The following VEZT variants were observed in gnomAD, a reference collection of about 807,000 sequenced individuals.
VEZT encodes the protein vezatin, adherens junctions transmembrane protein, also known as vezatin.
VEZT carries 39 observed loss-of-function variants against 79.9 expected under a neutral mutation model. The ratio of observed to expected loss-of-function variants is 0.49; its 90% CI spans 0.38 to 0.64. The LOEUF is 0.64. VEZT is among the 30% of genes least tolerant of loss of function. The pLI is 0.00. For synonymous variants in VEZT, 325 were observed against 327.6 expected (o/e 0.99, Z 0.09); for missense variants, 837 against 893.1 (o/e 0.94, Z 0.80).
chr12:95,245,408 C>A (rs1431178311), intron 1 of VEZT: 1 of 430,406 alleles, frequency 2.3e-6, no homozygotes, highest in Non-Finnish European at 4.6e-6. Context: ...TACCAGAGCA[C>A]TCAATATTTC....
At chr12:95,237,349 G>C (rs1178745432) in intron 1 of VEZT, among the ~76,000 whole-genome samples, 1 of 152,104 alleles carries the variant, frequency 6.6e-6, no homozygotes, top group African/African-American at 2.4e-5. Flanking sequence ...GCCCTGTCTG[G>C]GTACTCAATA....
intron 6 of VEZT, among the ~76,000 whole-genome samples, chr12:95,271,374 G>A (rs1255547268): frequency 6.6e-6 from 1 of 152,158 alleles, no homozygotes; most frequent in Non-Finnish European, 1.5e-5. Flanking sequence ...ACTTTTGAAT[G>A]TGATCAATAG....
chr12:95,234,542 G>C (rs546853146), intron 1 of VEZT, among the ~76,000 whole-genome samples: 1 of 152,042 alleles, frequency 6.6e-6, no homozygotes, highest in African/African-American at 2.4e-5. Context: ...TGATTTGCCC[G>C]CCTCAGCCTC....
At chr12:95,250,303 A>ATTT (rs202062093) in intron 1 of VEZT, among the ~76,000 whole-genome samples, 8 of 116,560 alleles carry the variant, frequency 6.9e-5, no homozygotes, top group Non-Finnish European at 1.2e-4. Flanking sequence ...TAATTTTTTA[A>ATTT]TTTTTTTTTT....
In VEZT at chr12:95,235,349, C is replaced by A. The variant is rs78461623; in HGVS notation, c.37-16591C>A. 3.2e-4 allele frequency among the ~76,000 whole-genome samples: 44 copies of A among 137,608 alleles called. 2 individuals carry two copies. Among genetic ancestry groups the A allele is most frequent in the African/African-American group, 1.2e-3 (43 of 35,920 alleles). The allele number at this position is 137,608 out of a possible 152,430, so 90.3% of individuals were successfully genotyped here. ...GCCGGGCAGAGGGGCTCCTCACTTCCCAGTAGGGGCGGCCGGGCAGAGGCG... is the reference window on the plus strand; with the variant it reads ...GCCGGGCAGAGGGGCTCCTCACTTCACAGTAGGGGCGGCCGGGCAGAGGCG... On this transcript the variant is annotated intron_variant, in intron 1 of 11. Coordinates refer to ENST00000436874, the MANE Select transcript of VEZT (RefSeq NM_017599.4).
At chr12:95,299,937 C>G (rs1425349909) in intron 11 of VEZT, 1 of 315,960 alleles carries the variant, frequency 3.2e-6, no homozygotes, top group East Asian at 5.3e-5. Flanking sequence ...TGTGAGGTGT[C>G]ATAAAAACCT....
chr12:95,266,382 A>T lies in VEZT; in HGVS notation c.460A>T (p.Ile154Phe), dbSNP rs1443675102. Reference sequence around the variant, plus strand: ...GGATCTCTCAATGCTATTTGCCTTCATTAGCTTGCTCGTTATGCTTCCCAC... The same window carrying T: ...GGATCTCTCAATGCTATTTGCCTTCTTTAGCTTGCTCGTTATGCTTCCCAC... ...IWDLSMLFAFISLLVMLPTWW... is the reference protein window; with the variant it reads ...IWDLSMLFAFFSLLVMLPTWW... The change falls in exon 5 of 12, where the codon ATT becomes TTT. Residue 154 changes from isoleucine (I) to phenylalanine (F), a missense_variant. By Grantham distance (21) the Ile-to-Phe change is conservative. Coordinates refer to ENST00000436874, the MANE Select transcript of VEZT (RefSeq NM_017599.4). The T allele has an allele frequency of 6.2e-7, 1 of 1,613,348 alleles. No homozygotes were observed. The highest frequency in any genetic ancestry group is 8.5e-7 in the Non-Finnish European group (1 of 1,179,684).
intron 1 of VEZT, among the ~76,000 whole-genome samples, chr12:95,243,345 G>C (rs1405303397): frequency 7.2e-6 from 1 of 139,052 alleles, no homozygotes; most frequent in Non-Finnish European, 1.5e-5. Flanking sequence ...CTGGGTGACA[G>C]AGTGAGACAC....
chr12:95,260,905 A>C (rs1406732743), intron 3 of VEZT, among the ~76,000 whole-genome samples: 2 of 151,750 alleles, frequency 1.3e-5, no homozygotes, highest in African/African-American at 2.4e-5. Flanking sequence ...AGTGGTTCCT[A>C]ATGTTAGAAT....
At chr12:95,224,079 T>A in intron 1 of VEZT, 1 of 435,734 alleles carries the variant, frequency 2.3e-6, no homozygotes, top group Non-Finnish European at 4.7e-6. Flanking sequence ...GATGTTATCA[T>A]TGGTGATTAT....
intron 1 of VEZT, among the ~76,000 whole-genome samples, chr12:95,228,363 C>A (rs1179571075): frequency 6.6e-6 from 1 of 152,038 alleles, no homozygotes; most frequent in Non-Finnish European, 1.5e-5. Flanking sequence ...ATTGTAGATT[C>A]TTTCTTACTT....
chr12:95,292,512 A>G (rs1226066881), intron 9 of VEZT, among the ~76,000 whole-genome samples: 1 of 150,400 alleles, frequency 6.6e-6, no homozygotes, highest in Non-Finnish European at 1.5e-5. Flanking sequence ...ACAAGATAGT[A>G]CTATTATTTT....
At chr12:95,293,149 C>T (rs1485629760) in intron 9 of VEZT, among the ~76,000 whole-genome samples, 2 of 152,170 alleles carry the variant, frequency 1.3e-5, no homozygotes, top group African/African-American at 4.8e-5. Flanking sequence ...TGTGCCCAGC[C>T]AGTTAACTAT....
At chr12:95,279,903 C>T (rs1593942428) in intron 7 of VEZT, among the ~76,000 whole-genome samples, 1 of 152,116 alleles carries the variant, frequency 6.6e-6, no homozygotes, top group African/African-American at 2.4e-5. Flanking sequence ...TTTCAAAAGC[C>T]GCAGTAAACT....
At chr12:95,242,146 C>T (rs916876187) in intron 1 of VEZT, 39 of 152,044 alleles carry the variant, frequency 2.6e-4, no homozygotes, top group Admixed American at 2.4e-3. Context: ...TGCTTTTTGT[C>T]GTATTCTCTT....
At chr12:95,219,364 T>A (rs1257767999) in intron 1 of VEZT, among the ~76,000 whole-genome samples, 1 of 152,222 alleles carries the variant, frequency 6.6e-6, no homozygotes, top group East Asian at 1.9e-4. Context: ...CGGTATGTGT[T>A]CTTATAGACT....
chr12:95,240,027 A>AGGAG (rs1206079271), intron 1 of VEZT, among the ~76,000 whole-genome samples: 4 of 48,318 alleles, frequency 8.3e-5, no homozygotes, highest in African/African-American at 2.1e-4. Context: ...AAAGAAAGGA[A>AGGAG]GGAAGGAAGG....
intron 1 of VEZT, 26 bp from the exon 2 acceptor site, chr12:95,251,914 T>C: frequency 2.5e-6 from 4 of 1,596,744 alleles, no homozygotes; most frequent in Non-Finnish European, 3.4e-6. Flanking sequence ...GATCTTGAAA[T>C]TTGCTTTATT....
In VEZT at chr12:95,266,525, C is replaced by T. The variant is rs764591677; in HGVS notation, c.603C>T (p.Ser201=). 6.2e-6 allele frequency: 10 copies of T among 1,613,714 alleles called. No homozygotes were observed. The highest frequency in any genetic ancestry group is 5.0e-5 in the Admixed American group (3 of 59,984). The change falls in exon 5 of 12, where the codon AGC becomes AGT. Residue 201 remains serine, a synonymous_variant. Transcript: ENST00000436874. The part of the protein sequence containing the change: ...AKLQVTLKKY[S]VHLEDMATNS... ...TACAAGTGACCCTAAAAAAATACAG[C>T]GTTCATTTGGAAGATATGGCCACAA...
Sources: gnomAD v4.1 joint callset for allele counts (sites outside exome capture counted in the v4.1 genomes callset) on GRCh38, gnomAD v4.1.1 for gene constraint, MANE v1.5 for transcripts, NCBI Gene and HGNC (gene_info 2026-07-23, HGNC 2026-07-21) for gene names.